The following PTPRO variants were observed in gnomAD, a reference collection of about 807,000 sequenced individuals.
PTPRO encodes protein tyrosine phosphatase receptor type O, also known as receptor-type tyrosine-protein phosphatase O.
A neutral mutation model predicts 145.2 loss-of-function variants in PTPRO; 62 were observed. The ratio of observed to expected loss-of-function variants is 0.43; its 90% CI spans 0.35 to 0.53. PTPRO has a LOEUF of 0.53. Among genes scored for constraint, PTPRO ranks in the 20% least tolerant of loss-of-function variants. The pLI, the probability that PTPRO is intolerant of heterozygous loss-of-function variation, is 0.01. For synonymous variants in PTPRO, 565 were observed against 514.7 expected, an observed-to-expected ratio of 1.10 and a Z score of -1.32; for missense variants, 1,345 against 1,482.7, an observed-to-expected ratio of 0.91 and a Z score of 1.53.
At chr12:15,583,500 A>ACACACAC (rs1482517978) in intron 23 of PTPRO, among the ~76,000 whole-genome samples, 36 of 141,584 alleles carry the variant, frequency 2.5e-4, no homozygotes, top group African/African-American at 8.4e-4. Context: ...CACACACACA[A>ACACACAC]AAAAAATCAA....
intron 9 of PTPRO, among the ~76,000 whole-genome samples, chr12:15,517,356 C>T (rs1380136799): frequency 6.6e-6 from 1 of 152,154 alleles, no homozygotes; most frequent in Non-Finnish European, 1.5e-5. Flanking sequence ...AGTTACTTCC[C>T]ACAGGGTCCC....
chr12:15,479,790 C>T (rs1941739107), intron 1 of PTPRO, among the ~76,000 whole-genome samples: 2 of 152,190 alleles, frequency 1.3e-5, no homozygotes, highest in Non-Finnish European at 2.9e-5. Context: ...TAGGGCACAT[C>T]TGGCGCTGGT....
chr12:15,360,866 GTGTGTATATACACACATACACA>G (rs966451157), intron 1 of PTPRO, among the ~76,000 whole-genome samples: 4 of 117,190 alleles, frequency 3.4e-5, no homozygotes, highest in Non-Finnish European at 3.8e-5. Flanking sequence ...GTGTATATAT[GTGTGTATATACACACATACACA>G]TGTGTATATA....
At chr12:15,529,455 C>T (rs1401553420) in intron 12 of PTPRO, among the ~76,000 whole-genome samples, 3 of 146,974 alleles carry the variant, frequency 2.0e-5, no homozygotes, top group Admixed American at 6.9e-5. Flanking sequence ...GAATTCAAGA[C>T]CTCATCTCTA....
intron 25 of PTPRO, among the ~76,000 whole-genome samples, chr12:15,594,113 A>G (rs1944608006): frequency 6.6e-6 from 1 of 152,148 alleles, no homozygotes. Flanking sequence ...TCATAATTCT[A>G]GAAAATATTT....
At chr12:15,332,393 T>C (rs934640756) in intron 1 of PTPRO, among the ~76,000 whole-genome samples, 1 of 152,222 alleles carries the variant, frequency 6.6e-6, no homozygotes, top group South Asian at 2.1e-4. Context: ...AACTTTCTTA[T>C]AAAACACTGA....
At chr12:15,475,804 A>G (rs1451786108) in intron 1 of PTPRO, among the ~76,000 whole-genome samples, 1 of 152,178 alleles carries the variant, frequency 6.6e-6, no homozygotes, top group African/African-American at 2.4e-5. Context: ...TTGGATCCCC[A>G]GTACTTAGCA....
intron 1 of PTPRO, among the ~76,000 whole-genome samples, chr12:15,356,998 G>A (rs1010725373): frequency 6.6e-6 from 1 of 152,124 alleles, no homozygotes; most frequent in African/African-American, 2.4e-5. Context: ...CCTGCACGCA[G>A]CCACTGTGGG....
chr12:15,479,431 C>G lies in PTPRO; in HGVS notation c.76-4543C>G, dbSNP rs190609280. Among the ~76,000 whole-genome samples the G allele has an allele frequency of 4.2e-4, 64 of 152,252 alleles. 1 individual carries two copies. In the East Asian group the frequency reaches 5.6e-3, roughly 13 times the overall value. ...ACGGCAGCCTGTGTTTCAATTGCTCCCATGTGAACAATGACTTTTTCCTTT... is the reference window on the plus strand; with the variant it reads ...ACGGCAGCCTGTGTTTCAATTGCTCGCATGTGAACAATGACTTTTTCCTTT... On this transcript the variant is annotated intron_variant, in intron 1 of 26. Transcript: ENST00000281171.
chr12:15,588,995 ATAT>A (rs748668694), intron 24 of PTPRO, among the ~76,000 whole-genome samples: 4 of 152,214 alleles, frequency 2.6e-5, no homozygotes, highest in Non-Finnish European at 5.9e-5. Flanking sequence ...TAAGTGGAAA[ATAT>A]TGTCAGGAGC....
At chr12:15,374,213 A>G (rs554451234) in intron 1 of PTPRO, among the ~76,000 whole-genome samples, 18 of 152,314 alleles carry the variant, frequency 1.2e-4, no homozygotes, top group Admixed American at 1.1e-3. Flanking sequence ...GGTCACTGAA[A>G]TACTGGGAAG....
rs1944656512 is a variant in PTPRO at position 15,596,216 on chromosome 12, A to G, written c.*143A>G. ...CCAAGGAGATAATTTATCTCACAGA[A>G]GCACCGGGAAGACTTAGCCTTAAAG... is the stretch of plus-strand genomic sequence containing the variant. On this transcript the variant is annotated 3_prime_UTR_variant, in exon 27 of 27. Coordinates refer to ENST00000281171, the MANE Select transcript of PTPRO (RefSeq NM_030667.3). 2.0e-5 allele frequency: 3 copies of G among 152,602 alleles called. No homozygotes were observed. The highest frequency in any genetic ancestry group is 2.0e-4 in the Admixed American group (3 of 15,278). The allele number at this position is 152,602 out of a possible 1,614,324, so 9.5% of individuals were successfully genotyped here. A position where few individuals can be genotyped will look rare whatever the true frequency, so the allele number is the denominator to read the frequency against.
intron 2 of PTPRO, among the ~76,000 whole-genome samples, chr12:15,486,055 G>T (rs1941879658): frequency 6.6e-6 from 1 of 152,108 alleles, no homozygotes; most frequent in Non-Finnish European, 1.5e-5. Flanking sequence ...TACCGACCAG[G>T]TCACGTTGAT....
intron 2 of PTPRO, among the ~76,000 whole-genome samples, chr12:15,488,897 G>A (rs7132018): frequency 0.095 from 14,399 of 152,140 alleles, 806 homozygotes; most frequent in East Asian, 0.24. Flanking sequence ...CACGTAAAAG[G>A]ATGCCTGGAA....
At chr12:15,521,009 C>T (rs1249761557) in intron 10 of PTPRO, among the ~76,000 whole-genome samples, 1 of 152,108 alleles carries the variant, frequency 6.6e-6, no homozygotes, top group Non-Finnish European at 1.5e-5. Flanking sequence ...GTAGTTGCAT[C>T]ATCAGTAGTC....
intron 1 of PTPRO, among the ~76,000 whole-genome samples, chr12:15,403,007 G>A (rs1448064104): frequency 1.3e-5 from 2 of 152,090 alleles, no homozygotes; most frequent in African/African-American, 2.4e-5. Flanking sequence ...GAGCTTTTTA[G>A]TTTTATTTGA....
At position 15,562,105 on chromosome 12, in the gene PTPRO, G is replaced by A. The variant is rs116297388; in HGVS notation, c.2711+1829G>A. On this transcript the variant is annotated intron_variant, in intron 17 of 26. Coordinates refer to ENST00000281171, the MANE Select transcript of PTPRO (RefSeq NM_030667.3). Reference sequence around the variant, plus strand: ...GAGAAGGTAAAACATAGAGCTGCATGCTTTCTGTAACTTCAGTAAATTTCA... The same window carrying A: ...GAGAAGGTAAAACATAGAGCTGCATACTTTCTGTAACTTCAGTAAATTTCA... Among the ~76,000 whole-genome samples the A allele has an allele frequency of 2.3e-3, 357 of 152,216 alleles. No individual in the cohort carries two copies. The Middle Eastern group carries it at 0.034, about 15-fold the overall frequency.
At chr12:15,458,700 T>A (rs1005775851) in intron 1 of PTPRO, among the ~76,000 whole-genome samples, 7 of 151,892 alleles carry the variant, frequency 4.6e-5, no homozygotes, top group African/African-American at 1.7e-4. Flanking sequence ...CTTGGTAGTC[T>A]TTTTTAATGT....
chr12:15,351,252 T>C (rs1354964938), intron 1 of PTPRO, among the ~76,000 whole-genome samples: 8 of 152,198 alleles, frequency 5.3e-5, no homozygotes, highest in Non-Finnish European at 1.5e-5. Context: ...AATTATTAAG[T>C]CCAATATTTA....
Sources: allele counts gnomAD v4.1 joint callset (sites outside exome capture counted in the v4.1 genomes callset), GRCh38; gene constraint gnomAD v4.1.1; transcripts MANE v1.5; gene names NCBI Gene and HGNC (gene_info 2026-07-23, HGNC 2026-07-21).